Variants in CDC42BPA observed in about 807,000 individuals in gnomAD.
CDC42BPA encodes serine/threonine-protein kinase MRCK alpha.
Under a neutral mutation model 223.5 loss-of-function variants are expected in CDC42BPA, and 80 were observed. The ratio of observed to expected loss-of-function variants is 0.36; its 90% CI spans 0.30 to 0.43. The LOEUF (loss-of-function observed/expected upper bound fraction) is 0.43. Ranked by LOEUF, CDC42BPA falls within the 20% of genes least tolerant of loss-of-function variation. The pLI, the probability that CDC42BPA is intolerant of heterozygous loss-of-function variation, is 1.00. For missense variants in CDC42BPA, 1,743 were observed against 2,099.9 expected (o/e 0.83, Z 3.32); for synonymous variants, 694 against 718.6 (o/e 0.97, Z 0.55).
intron 22 of CDC42BPA, among the ~76,000 whole-genome samples, chr1:227,050,242 A>G (rs1027436500): frequency 6.6e-6 from 1 of 152,202 alleles, no homozygotes; most frequent in African/African-American, 2.4e-5. Context: ...GATGCTGAAT[A>G]ACACTAGAAA....
intron 30 of CDC42BPA, 112 bp from the exon 31 acceptor site, chr1:227,026,264 A>G: frequency 3.3e-6 from 2 of 611,666 alleles, no homozygotes; most frequent in South Asian, 2.2e-5. Context: ...CCCAAATCCT[A>G]TGGGGCTATC....
chr1:227,166,240 C>G (rs1478316983), intron 5 of CDC42BPA, among the ~76,000 whole-genome samples: 1 of 152,168 alleles, frequency 6.6e-6, no homozygotes, highest in Non-Finnish European at 1.5e-5. Context: ...TTTGGGCAGA[C>G]GGAAACTCTC....
chr1:227,012,155 A>C (rs1441165643), intron 34 of CDC42BPA, among the ~76,000 whole-genome samples: 1 of 152,222 alleles, frequency 6.6e-6, no homozygotes, highest in East Asian at 1.9e-4. Context: ...GGATGTCACT[A>C]AGCTCGAAAA....
intron 1 of CDC42BPA, among the ~76,000 whole-genome samples, chr1:227,311,180 C>G (rs1196173080): frequency 2.0e-5 from 3 of 151,530 alleles, no homozygotes; most frequent in Admixed American, 2.0e-4. Context: ...ATAATGAGAC[C>G]CCCCATCTCC....
At chr1:227,009,340 A>G (rs1047904260) in intron 34 of CDC42BPA, among the ~76,000 whole-genome samples, 1 of 152,182 alleles carries the variant, frequency 6.6e-6, no homozygotes, top group Non-Finnish European at 1.5e-5. Flanking sequence ...CTTTCATTTG[A>G]TGGCACAGTA....
intron 15 of CDC42BPA, among the ~76,000 whole-genome samples, chr1:227,098,923 C>T (rs934497672): frequency 6.6e-6 from 1 of 151,894 alleles, no homozygotes; most frequent in African/African-American, 2.4e-5. Context: ...CAACTATGGA[C>T]TGCCATTAGT....
intron 6 of CDC42BPA, among the ~76,000 whole-genome samples, chr1:227,153,445 A>G (rs897682216): frequency 3.9e-4 from 59 of 151,984 alleles, no homozygotes; most frequent in Non-Finnish European, 5.6e-4. Context: ...GGCCCATAGA[A>G]GAATTCTAAC....
intron 5 of CDC42BPA, among the ~76,000 whole-genome samples, chr1:227,190,172 T>C (rs1436113528): frequency 2.7e-5 from 4 of 148,066 alleles, no homozygotes; most frequent in Non-Finnish European, 4.5e-5. Flanking sequence ...CTATCTTGAA[T>C]GTCTTCCTAT....
intron 2 of CDC42BPA, among the ~76,000 whole-genome samples, chr1:227,233,708 A>G (rs1678463775): frequency 6.6e-6 from 1 of 152,122 alleles, no homozygotes; most frequent in South Asian, 2.1e-4. Context: ...TGAGGTGGGC[A>G]GATCACCTGA....
At chr1:227,180,367 T>G (rs561956549) in intron 5 of CDC42BPA, 1 of 152,274 alleles carries the variant, frequency 6.6e-6, no homozygotes, top group Middle Eastern at 3.4e-3. Context: ...ACAGGTGATC[T>G]AAGAAAAGAA....
chr1:227,304,853 A>AC (rs2148767586), intron 1 of CDC42BPA, among the ~76,000 whole-genome samples: 1 of 152,350 alleles, frequency 6.6e-6, no homozygotes, highest in South Asian at 2.1e-4. Flanking sequence ...TGACTATGGT[A>AC]GTGGTCACAT....
intron 1 of CDC42BPA, among the ~76,000 whole-genome samples, chr1:227,268,600 T>G (rs1685418516): frequency 8.4e-6 from 1 of 118,368 alleles, no homozygotes; most frequent in African/African-American, 2.9e-5. Flanking sequence ...GTATATATAG[T>G]GTGTGTATAG....
chr1:227,153,428 A>G (rs1284937140), intron 6 of CDC42BPA, among the ~76,000 whole-genome samples: 5 of 151,980 alleles, frequency 3.3e-5, no homozygotes, highest in Non-Finnish European at 5.9e-5. Context: ...GCATATCACT[A>G]AATAGTGGCC....
rs181768069 is a variant in CDC42BPA at position 227,158,980 on chromosome 1, G to A, written c.693+1563C>T. ...GAACTGCCCCAGTCTTTGCGCAATC[G>A]TGAGGAATACCTCACGAGTTCATTT... On this transcript the variant is annotated intron_variant, in intron 6 of 36. Transcript: ENST00000366766. 8.5e-5 allele frequency among the ~76,000 whole-genome samples: 13 copies of A among 152,138 alleles called. No individual in the cohort carries two copies. The East Asian group carries it at 2.5e-3, about 29-fold the overall frequency.
intron 11 of CDC42BPA, among the ~76,000 whole-genome samples, chr1:227,123,662 A>C (rs1020176293): frequency 2.1e-4 from 32 of 152,320 alleles, no homozygotes; most frequent in African/African-American, 7.0e-4. Flanking sequence ...AGGAGTTAAG[A>C]CTAGACCCAG....
chr1:227,288,411 G>C (rs960954602), intron 1 of CDC42BPA, among the ~76,000 whole-genome samples: 77 of 152,050 alleles, frequency 5.1e-4, no homozygotes, highest in South Asian at 4.2e-4. Context: ...AAATTAAAAT[G>C]ATATCGGCCA....
At chr1:227,252,951 T>C (rs193102011) in intron 2 of CDC42BPA, among the ~76,000 whole-genome samples, 2 of 152,258 alleles carry the variant, frequency 1.3e-5, no homozygotes, top group African/African-American at 4.8e-5. Flanking sequence ...CTAATTAAAA[T>C]AATATCAAGA....
chr1:227,205,284 ATAT>A lies in CDC42BPA; in HGVS notation c.355-5635_355-5633del, dbSNP rs1299797038. 5.3e-3 allele frequency among the ~76,000 whole-genome samples: 472 copies of A among 88,504 alleles called. 2 individuals are homozygous for A. Among genetic ancestry groups the A allele is most frequent in the African/African-American group, 0.015 (356 of 23,992 alleles). 58.1% of individuals were successfully genotyped at this position (88,504 alleles called of 152,430 possible). ...ACTCTGTCTCAAAAAAAAAAAAAAA[ATAT>A]ATATATATATATATATATACACACA... On this transcript the variant is annotated intron_variant, in intron 3 of 36. Coordinates refer to ENST00000366766, the MANE Select transcript of CDC42BPA (RefSeq NM_001394014.1).
At chr1:227,122,044 G>A (rs595111) in intron 11 of CDC42BPA, among the ~76,000 whole-genome samples, 1 of 151,774 alleles carries the variant, frequency 6.6e-6, no homozygotes, top group Non-Finnish European at 1.5e-5. Context: ...CAGGTGATCC[G>A]CCCGCCTCAG....
Sources: allele counts gnomAD v4.1 joint callset (sites outside exome capture counted in the v4.1 genomes callset), GRCh38; gene constraint gnomAD v4.1.1; transcripts MANE v1.5; gene names NCBI Gene and HGNC (gene_info 2026-07-23, HGNC 2026-07-21).